Variants in IGSF21 observed in about 807,000 individuals in gnomAD.
IGSF21 encodes the protein immunoglobin superfamily member 21.
IGSF21 carries 28 observed loss-of-function variants against 46.8 expected under a neutral mutation model. The ratio of observed to expected loss-of-function variants is 0.60; its 90% CI spans 0.44 to 0.82. IGSF21 has a LOEUF of 0.82. Ranked by LOEUF, IGSF21 falls within the 40% of genes least tolerant of loss-of-function variation. IGSF21 has a pLI of 0.00. For missense variants in IGSF21, 624 were observed against 665.5 expected (o/e 0.94, Z 0.69); for synonymous variants, 284 against 273.6 (o/e 1.04, Z -0.38).
chr1:18,118,533 A>C (rs2086207294), intron 1 of IGSF21, among the ~76,000 whole-genome samples: 2 of 152,244 alleles, frequency 1.3e-5, no homozygotes, highest in Admixed American at 1.3e-4. Flanking sequence ...CTACAGAAGC[A>C]GGTGATGAGT....
At chr1:18,336,987 G>A (rs116467420) in intron 4 of IGSF21, among the ~76,000 whole-genome samples, 2,979 of 152,236 alleles carry the variant, frequency 0.02, 48 homozygotes, top group Non-Finnish European at 0.03. Context: ...AGGAAAGACC[G>A]ACCCCTATGA....
At chr1:18,358,523 G>C (rs1425311048) in intron 4 of IGSF21, among the ~76,000 whole-genome samples, 1 of 152,166 alleles carries the variant, frequency 6.6e-6, no homozygotes, top group Non-Finnish European at 1.5e-5. Flanking sequence ...TGCTCTACGG[G>C]ACAGCCCGAA....
In IGSF21 at chr1:18,365,350, C is replaced by A. The variant is rs2086151295; in HGVS notation, c.668C>A (p.Thr223Asn). ...RSLLHRDLDD[T>N]KMQKSLSLLD... ...CTTCTGCACCGTGACCTGGATGACA[C>A]CAAGATGCAGAAGTCACTGTCCCTC... Residue 223 changes from threonine (T) to asparagine (N), a missense_variant, in exon 6 of 10, where the codon ACC becomes AAC. Physicochemically the swap from Thr to Asn is moderately conservative, Grantham distance 65 (BLOSUM62 0). Coordinates refer to ENST00000251296, the MANE Select transcript of IGSF21 (RefSeq NM_032880.5). The surrounding 1 kb of genome is among the most constrained non-coding windows in gnomAD (Gnocchi z 4.8). 1.9e-6 allele frequency: 3 copies of A among 1,614,144 alleles called. No individual in the cohort carries two copies. The South Asian group carries it at 3.3e-5, about 18-fold the overall frequency.
At chr1:18,234,001 C>T (rs572061198) in intron 2 of IGSF21, among the ~76,000 whole-genome samples, 1 of 152,238 alleles carries the variant, frequency 6.6e-6, no homozygotes, top group African/African-American at 2.4e-5. Flanking sequence ...GGAAACAATA[C>T]AGTCCAACCA....
intron 1 of IGSF21, among the ~76,000 whole-genome samples, chr1:18,226,910 G>A (rs756218427): frequency 1.3e-5 from 2 of 152,262 alleles, no homozygotes; most frequent in African/African-American, 4.8e-5. Flanking sequence ...GAACTGCGGT[G>A]AAGGTCCAGG....
chr1:18,285,787 A>AC (rs2085207156), intron 2 of IGSF21, among the ~76,000 whole-genome samples: 1 of 152,214 alleles, frequency 6.6e-6, no homozygotes, highest in South Asian at 2.1e-4. Flanking sequence ...TAAGAAAAAT[A>AC]CGCAATAGCT....
chr1:18,300,133 G>A (rs1351040277), intron 3 of IGSF21, among the ~76,000 whole-genome samples: 1 of 152,068 alleles, frequency 6.6e-6, no homozygotes, highest in Non-Finnish European at 1.5e-5. Flanking sequence ...TATACCACAG[G>A]CCAGCTCACT....
Position 18,109,673 on chromosome 1 carries a change from C to T in IGSF21, c.70+1475C>T, listed in dbSNP as rs552159504. 6.6e-6 allele frequency: 1 copy of T among 152,274 alleles called. No individual in the cohort carries two copies. Among genetic ancestry groups the T allele is most frequent in the East Asian group, 1.9e-4 (1 of 5,148 alleles). The allele number at this position is 152,274 out of a possible 1,614,324, so 9.4% of individuals were successfully genotyped here. On this transcript the variant is annotated intron_variant, in intron 1 of 9. Coordinates refer to ENST00000251296, the MANE Select transcript of IGSF21 (RefSeq NM_032880.5). This position sits in a 1 kb window ranked among gnomAD's most constrained non-coding sequence, Gnocchi z 4.8. ...ACCCAGAAGGAATGCAAACCCTGTA[C>T]TTTGTTCCCCTACCCTTGGAACAAG...
At chr1:18,110,963 G>C (rs1402864808) in intron 1 of IGSF21, 1 of 152,348 alleles carries the variant, frequency 6.6e-6, no homozygotes. Flanking sequence ...TGCGCGGGCG[G>C]AGGTGGGCGG....
intron 1 of IGSF21, among the ~76,000 whole-genome samples, chr1:18,132,155 C>T (rs925659407): frequency 7.5e-6 from 1 of 133,116 alleles, no homozygotes; most frequent in Non-Finnish European, 1.6e-5. Context: ...TATGTTTATC[C>T]AATATCTGGA....
chr1:18,219,616 T>C (rs1433785327), intron 1 of IGSF21, among the ~76,000 whole-genome samples: 1 of 152,160 alleles, frequency 6.6e-6, no homozygotes, highest in East Asian at 1.9e-4. Context: ...TGCTTTGATG[T>C]GAGCATGAGA....
In IGSF21 at chr1:18,337,830, G is replaced by A. The variant is rs1462798248; in HGVS notation, c.424+2820G>A. Among the ~76,000 whole-genome samples, 1 of 152,132 alleles carries A rather than the reference G, an allele frequency of 6.6e-6. No individual in the cohort carries two copies. The highest frequency in any genetic ancestry group is 1.9e-4 in the East Asian group (1 of 5,184). On this transcript the variant is annotated intron_variant, in intron 4 of 9. Transcript: ENST00000251296. The surrounding 1 kb of genome is among the most constrained non-coding windows in gnomAD (Gnocchi z 5.7). Reference sequence around the variant, plus strand: ...ATCCTCACTGCAGATCGGCGCGTGGGGGATTACTATTATCTCTAACTCACA... The same window carrying A: ...ATCCTCACTGCAGATCGGCGCGTGGAGGATTACTATTATCTCTAACTCACA...
intron 3 of IGSF21, among the ~76,000 whole-genome samples, chr1:18,328,085 T>A (rs223171): frequency 0.55 from 83,338 of 152,044 alleles, 24,620 homozygotes; most frequent in African/African-American, 0.78. Context: ...GGATGTAGAC[T>A]GGAGGCAGAT....
At chr1:18,195,180 A>G (rs2086995151) in intron 1 of IGSF21, among the ~76,000 whole-genome samples, 1 of 152,234 alleles carries the variant, frequency 6.6e-6, no homozygotes, top group Non-Finnish European at 1.5e-5. Context: ...GCATCCAGAA[A>G]GTAAAGAAAC....
At chr1:18,146,706 G>A (rs967645065) in intron 1 of IGSF21, among the ~76,000 whole-genome samples, 8 of 152,084 alleles carry the variant, frequency 5.3e-5, no homozygotes, top group African/African-American at 1.9e-4. Flanking sequence ...CGAGGGTCCC[G>A]GGTGAGACCA....
intron 1 of IGSF21, among the ~76,000 whole-genome samples, chr1:18,175,887 G>C (rs2086790776): frequency 1.3e-5 from 2 of 152,344 alleles, no homozygotes; most frequent in African/African-American, 4.8e-5. Flanking sequence ...AATTCTTCCA[G>C]CCCTCTTGGA....
chr1:18,210,011 A>G (rs2084373060), intron 1 of IGSF21, among the ~76,000 whole-genome samples: 1 of 152,100 alleles, frequency 6.6e-6, no homozygotes, highest in Admixed American at 6.5e-5. Flanking sequence ...AGACGTCTAC[A>G]GTCTGCACCT....
At chr1:18,129,656 G>C (rs2086301086) in intron 1 of IGSF21, among the ~76,000 whole-genome samples, 3 of 152,230 alleles carry the variant, frequency 2.0e-5, no homozygotes, top group Admixed American at 2.0e-4. Context: ...AGCAGGTGCA[G>C]TCTCGTATCG....
intron 1 of IGSF21, chr1:18,112,423 C>G (rs1048201244): frequency 6.6e-6 from 1 of 152,238 alleles, no homozygotes; most frequent in African/African-American, 2.4e-5. Context: ...CTGGCCCTAA[C>G]TGAGCTAGGT....
Sources: gnomAD v4.1 joint callset for allele counts (sites outside exome capture counted in the v4.1 genomes callset) on GRCh38, gnomAD v4.1.1 for gene constraint, Gnocchi (gnomAD v3.1) non-coding constraint, MANE v1.5 for transcripts, NCBI Gene and HGNC (gene_info 2026-07-23, HGNC 2026-07-21) for gene names.